The following STK32B variants were observed in gnomAD, a reference collection of about 807,000 sequenced individuals.
STK32B encodes serine/threonine-protein kinase 32B.
A neutral mutation model predicts 52.6 loss-of-function variants in STK32B; 43 were observed. The observed-to-expected ratio is 0.82, with a 90% confidence interval of 0.64 to 1.05. STK32B has a LOEUF of 1.05. Among genes scored for constraint, STK32B ranks in the 50% least tolerant of loss-of-function variants. The pLI is 0.00. For missense variants in STK32B, 621 were observed against 534.6 expected (o/e 1.16, Z -1.59); for synonymous variants, 238 against 204.3 (o/e 1.17, Z -1.41).
chr4:5,039,409 A>C, the STK32B span, among the ~76,000 whole-genome samples: 1 of 152,292 alleles, frequency 6.6e-6, no homozygotes, highest in African/African-American at 2.4e-5. Context: ...TAGGTCTCAC[A>C]GGGTCGGGAT....
At chr4:5,072,072 G>A (rs1436397695) in intron 1 of STK32B, among the ~76,000 whole-genome samples, 4 of 152,144 alleles carry the variant, frequency 2.6e-5, no homozygotes, top group African/African-American at 9.7e-5. Context: ...TGGGAATACG[G>A]TGTTAGATTC....
intron 2 of STK32B, among the ~76,000 whole-genome samples, chr4:5,143,151 C>A (rs936780244): frequency 3.6e-4 from 54 of 152,086 alleles, no homozygotes; most frequent in Non-Finnish European, 6.5e-4. Flanking sequence ...GTCTATCTGT[C>A]CATATTCTGT....
At chr4:5,075,412 T>C (rs1448055517) in intron 1 of STK32B, among the ~76,000 whole-genome samples, 1 of 152,220 alleles carries the variant, frequency 6.6e-6, no homozygotes, top group Non-Finnish European at 1.5e-5. Flanking sequence ...TATTCACTTT[T>C]TTATATGTCT....
chr4:5,300,610 G>A (rs140411825), intron 3 of STK32B, among the ~76,000 whole-genome samples: 1 of 152,034 alleles, frequency 6.6e-6, no homozygotes, highest in Non-Finnish European at 1.5e-5. Context: ...AAATGTAAAT[G>A]TACAAAAATC....
Position 5,384,333 on chromosome 4 carries a change from C to G in STK32B, c.435-13874C>G, listed in dbSNP as rs1296402090. On this transcript the variant is annotated intron_variant, in intron 4 of 11. Transcript: ENST00000282908. Reference sequence around the variant, plus strand: ...GAAAATGCTCTGCAGGTAGAAGCAGCAGGGTTTGCTATTCAGGCAGATGTG... The same window carrying G: ...GAAAATGCTCTGCAGGTAGAAGCAGGAGGGTTTGCTATTCAGGCAGATGTG... Among the ~76,000 whole-genome samples, 13 of 152,166 alleles carry G rather than the reference C, an allele frequency of 8.5e-5. No homozygotes were observed. In the South Asian group the frequency reaches 1.5e-3, roughly 17 times the overall value.
intron 1 of STK32B, among the ~76,000 whole-genome samples, chr4:5,132,364 A>G (rs1412567853): frequency 6.6e-6 from 1 of 152,182 alleles, no homozygotes; most frequent in Non-Finnish European, 1.5e-5. Flanking sequence ...AGAGGATCAA[A>G]AAGCTACCTA....
At chr4:5,235,385 T>C (rs1355927546) in intron 3 of STK32B, among the ~76,000 whole-genome samples, 2 of 152,236 alleles carry the variant, frequency 1.3e-5, no homozygotes, top group East Asian at 3.9e-4. Context: ...TCAGCCACAC[T>C]GTCCTCCATT....
intron 3 of STK32B, among the ~76,000 whole-genome samples, chr4:5,287,864 A>T (rs912494365): frequency 3.9e-5 from 6 of 152,172 alleles, no homozygotes; most frequent in African/African-American, 1.4e-4. Flanking sequence ...CACTAACTTC[A>T]GAATATTTTT....
At chr4:5,076,743 G>A (rs1712095220) in intron 1 of STK32B, among the ~76,000 whole-genome samples, 1 of 152,154 alleles carries the variant, frequency 6.6e-6, no homozygotes, top group Non-Finnish European at 1.5e-5. Context: ...AAATGGAAAT[G>A]ATGATAAACT....
At chr4:5,338,655 T>C (rs993862203) in intron 4 of STK32B, among the ~76,000 whole-genome samples, 1 of 152,196 alleles carries the variant, frequency 6.6e-6, no homozygotes, top group African/African-American at 2.4e-5. Context: ...AATGGAACCA[T>C]TGTGTGACAG....
intron 3 of STK32B, among the ~76,000 whole-genome samples, chr4:5,296,669 G>T (rs1161779494): frequency 6.6e-6 from 1 of 152,150 alleles, no homozygotes; most frequent in African/African-American, 2.4e-5. Context: ...TTGCACGTGA[G>T]ATGGGTCTCC....
intron 11 of STK32B, among the ~76,000 whole-genome samples, chr4:5,478,234 A>T (rs1324509276): frequency 1.3e-5 from 2 of 152,206 alleles, no homozygotes; most frequent in Non-Finnish European, 2.9e-5. Flanking sequence ...AGAGACAACA[A>T]ATAGGGAAAA....
rs772284540 is a variant in STK32B at position 5,469,632 on chromosome 4, T to C, written c.1106+1562T>C. Among the ~76,000 whole-genome samples the C allele has an allele frequency of 6.6e-6, 1 of 152,182 alleles. No homozygotes were observed. The highest frequency in any genetic ancestry group is 1.5e-5 in the Non-Finnish European group (1 of 68,014). On this transcript the variant is annotated intron_variant, in intron 11 of 11. Transcript: ENST00000282908. This position sits in a 1 kb window ranked among gnomAD's most constrained non-coding sequence, Gnocchi z 4.7. ...GGCAAAGGAGGCAGCAGCCTTTCAC[T>C]GACCCTGAGTGGCTATAGCTCTGAG...
chr4:5,110,482 A>G (rs1714343097), intron 1 of STK32B, among the ~76,000 whole-genome samples: 1 of 152,086 alleles, frequency 6.6e-6, no homozygotes, highest in Admixed American at 6.5e-5. Flanking sequence ...GTCTTGGGCA[A>G]AGTTGACAAA....
At chr4:5,390,291 G>A (rs981496417) in intron 4 of STK32B, among the ~76,000 whole-genome samples, 5 of 152,194 alleles carry the variant, frequency 3.3e-5, no homozygotes, top group Admixed American at 6.5e-5. Flanking sequence ...CCATGGCCCA[G>A]CCACAGCCAT....
In STK32B at chr4:5,380,462, T is replaced by C. The variant is rs1443311197; in HGVS notation, c.435-17745T>C. ...CTATGTCTAATTTTGTGAACAGATA[T>C]TTTGTTCACAGGACAAGAATCCTGT... On this transcript the variant is annotated intron_variant, in intron 4 of 11. Transcript: ENST00000282908. The surrounding 1 kb of genome is among the most constrained non-coding windows in gnomAD (Gnocchi z 4.3). 6.6e-6 allele frequency among the ~76,000 whole-genome samples: 1 copy of C among 152,184 alleles called. No homozygotes were observed. Among genetic ancestry groups the C allele is most frequent in the African/African-American group, 2.4e-5 (1 of 41,444 alleles).
intron 2 of STK32B, among the ~76,000 whole-genome samples, chr4:5,154,400 A>C (rs1717624278): frequency 6.6e-6 from 1 of 152,046 alleles, no homozygotes; most frequent in South Asian, 2.1e-4. Context: ...TTTTTAGTAG[A>C]GATGGCGTTT....
chr4:5,338,324 A>G (rs1732841767), intron 4 of STK32B, among the ~76,000 whole-genome samples: 1 of 152,216 alleles, frequency 6.6e-6, no homozygotes, highest in South Asian at 2.1e-4. Flanking sequence ...TTACTCAGTC[A>G]TTCACTAGTT....
intron 11 of STK32B, among the ~76,000 whole-genome samples, chr4:5,489,621 A>ATTTATTTTTTTTTTTTTTTTTTTTT: frequency 1.3e-5 from 2 of 151,590 alleles, no homozygotes; most frequent in East Asian, 4.0e-4. Context: ...TATTTTATTT[A>ATTTATTTTTTTTTTTTTTTTTTTTT]TTTTTTATTA....
Sources: gnomAD v4.1 joint callset for allele counts (sites outside exome capture counted in the v4.1 genomes callset) on GRCh38, gnomAD v4.1.1 for gene constraint, Gnocchi (gnomAD v3.1) non-coding constraint, MANE v1.5 for transcripts, NCBI Gene and HGNC (gene_info 2026-07-23, HGNC 2026-07-21) for gene names.